PRDM8: variants seen among roughly 807,000 people sequenced by gnomAD.
PRDM8 encodes PR/SET domain 8.
In PRDM8, 13 loss-of-function variants were observed where a neutral mutation model predicts 46.5. The ratio of observed to expected loss-of-function variants is 0.28; its 90% CI spans 0.18 to 0.44. The LOEUF is 0.44. PRDM8 is among the 20% of genes least tolerant of loss of function. The pLI is 1.00. For synonymous variants in PRDM8, 473 were observed against 438.4 expected, an observed-to-expected ratio of 1.08 and a Z score of -0.98; for missense variants, 998 against 955.0, an observed-to-expected ratio of 1.04 and a Z score of -0.59.
chr4:80,199,181 G>T (rs1738234172), intron 1 of PRDM8, among the ~76,000 whole-genome samples: 1 of 151,742 alleles, frequency 6.6e-6, no homozygotes, highest in South Asian at 2.1e-4. Flanking sequence ...GCCCAAAAAG[G>T]GTCATATGGG....
Position 80,203,719 on chromosome 4 carries a change from A to C in PRDM8, c.*187A>C. 1.2e-6 allele frequency: 1 copy of C among 839,042 alleles called. No individual in the cohort carries two copies. The highest frequency in any genetic ancestry group is 1.7e-6 in the Non-Finnish European group (1 of 591,314). 52.0% of individuals were successfully genotyped at this position (839,042 alleles called of 1,614,324 possible). A position where few individuals can be genotyped will look rare whatever the true frequency, so the allele number is the denominator to read the frequency against. On this transcript the variant is annotated 3_prime_UTR_variant, in exon 4 of 4. Coordinates refer to ENST00000415738, the MANE Select transcript of PRDM8 (RefSeq NM_001099403.2). ...CTCTCCTCCCAGGAACCTCATTCAAATATTTACCCGGGACACACACCCCCC... is the reference window on the plus strand; with the variant it reads ...CTCTCCTCCCAGGAACCTCATTCAACTATTTACCCGGGACACACACCCCCC...
Position 80,197,574 on chromosome 4 carries a change from C to G in PRDM8, c.-192C>G, listed in dbSNP as rs1481074105. ...CTCTCTCCCTCCCTCCCTCCCTCCA[C>G]CCCCCCAATCTTTTTCTCCCCATCT... On this transcript the variant is annotated 5_prime_UTR_variant, in exon 1 of 4. Coordinates refer to ENST00000415738, the MANE Select transcript of PRDM8 (RefSeq NM_001099403.2). 16 of 964,762 alleles carry G rather than the reference C, an allele frequency of 1.7e-5. No individual in the cohort carries two copies. In the South Asian group the frequency reaches 5.8e-4, roughly 35 times the overall value. 59.8% of individuals were successfully genotyped at this position (964,762 alleles called of 1,614,324 possible). A position where few individuals can be genotyped will look rare whatever the true frequency, so the allele number is the denominator to read the frequency against.
chr4:80,190,359 G>A (rs1186616633), intron 1 of PRDM8, among the ~76,000 whole-genome samples: 1 of 152,226 alleles, frequency 6.6e-6, no homozygotes, highest in Non-Finnish European at 1.5e-5. Context: ...GCTTCGCCCA[G>A]GGCTCATTTG....
At chr4:80,192,952 A>T (rs1445698586), upstream of PRDM8, among the ~76,000 whole-genome samples, 1 of 152,236 alleles carries the variant, frequency 6.6e-6, no homozygotes, top group East Asian at 1.9e-4. Context: ...TCCCATTCTC[A>T]GCTGAACTCC....
exon 2 of PRDM8, chr4:80,191,472 A>G (rs1309407857): frequency 7.5e-6 from 1 of 132,918 alleles, no homozygotes; most frequent in African/African-American, 3.1e-5. Flanking sequence ...TATATTACAG[A>G]TACTATCAAA....
chr4:80,196,346 C>T, upstream of PRDM8: 1 of 985,416 alleles, frequency 1.0e-6, no homozygotes, highest in Non-Finnish European at 1.2e-6. Flanking sequence ...GCCTTTCTTC[C>T]TTTAGGAGTA....
upstream of PRDM8, chr4:80,196,004 T>C (rs1737931681): frequency 1.1e-6 from 1 of 952,280 alleles, no homozygotes; most frequent in Admixed American, 6.2e-5. Flanking sequence ...TGCACTTGTT[T>C]CTCCTCAGCA....
chr4:80,203,652 C>A lies in PRDM8; in HGVS notation c.*120C>A. On this transcript the variant is annotated 3_prime_UTR_variant, in exon 4 of 4. Coordinates refer to ENST00000415738, the MANE Select transcript of PRDM8 (RefSeq NM_001099403.2). ...CCGAAACCCTGCACAAAGACACATA[C>A]ATTCACCGCCCCCCCGCCCCCCCAA... 7.0e-7 allele frequency: 1 copy of A among 1,434,874 alleles called. No homozygotes were observed. The highest frequency in any genetic ancestry group is 9.1e-7 in the Non-Finnish European group (1 of 1,097,032). 88.9% of individuals were successfully genotyped at this position (1,434,874 alleles called of 1,614,324 possible).
At position 80,203,358 on chromosome 4, in the gene PRDM8, C is replaced by A. The variant is rs751100403; in HGVS notation, c.1896C>A (p.Ala632=). Residue 632 remains alanine (A), a synonymous_variant, in exon 4 of 4, where the codon GCC becomes GCA. Transcript: ENST00000415738. ...AGAACTGGTGCGCCAAGTGCAATGC[C>A]TCCTTCCGCATGACCTCCGACCTGG... ...PAQNWCAKCN[A]SFRMTSDLVY... 6.2e-7 allele frequency: 1 copy of A among 1,614,098 alleles called. No homozygotes were observed. The highest frequency in any genetic ancestry group is 8.5e-7 in the Non-Finnish European group (1 of 1,180,002).
chr4:80,191,488 C>T (rs1737540851), exon 2 of PRDM8: 1 of 151,988 alleles, frequency 6.6e-6, no homozygotes, highest in African/African-American at 2.4e-5. Flanking sequence ...TCAAATCAGC[C>T]TGGGAAGCAT....
chr4:80,193,525 A>T (rs1283069042), upstream of PRDM8, among the ~76,000 whole-genome samples: 1 of 152,246 alleles, frequency 6.6e-6, no homozygotes, highest in Non-Finnish European at 1.5e-5. Flanking sequence ...TTTTTGGCAC[A>T]GGCCTGGTGT....
upstream of PRDM8, among the ~76,000 whole-genome samples, chr4:80,194,956 GA>G (rs1224238337): frequency 6.6e-6 from 1 of 152,114 alleles, no homozygotes; most frequent in Non-Finnish European, 1.5e-5. Context: ...TACCTCAAAA[GA>G]AATATAGTTT....
intron 1 of PRDM8, among the ~76,000 whole-genome samples, chr4:80,189,156 C>T (rs1370870889): frequency 6.6e-6 from 1 of 152,204 alleles, no homozygotes; most frequent in Non-Finnish European, 1.5e-5. Flanking sequence ...GTTTCTCTGC[C>T]CACCCCCAGA....
At chr4:80,197,818 A>G in intron 1 of PRDM8, 55 bp downstream of exon 1, 1 of 972,710 alleles carries the variant, frequency 1.0e-6, no homozygotes, top group African/African-American at 1.8e-5. Context: ...AGTTTGGTGG[A>G]AAGAGTAGAA....
Position 80,203,379 on chromosome 4 carries a change from C to A in PRDM8, c.1917C>A (p.Asp639Glu). 2 of 1,614,090 alleles carry A rather than the reference C, an allele frequency of 1.2e-6. No homozygotes were observed. Among genetic ancestry groups the A allele is most frequent in the Non-Finnish European group, 1.7e-6 (2 of 1,179,998 alleles). Residue 639 changes from aspartate (D) to glutamate (E), a missense_variant, in exon 4 of 4, where the codon GAC (aspartate) becomes GAA (glutamate). Asp to Glu is a conservative substitution (Grantham distance 45). Coordinates refer to ENST00000415738, the MANE Select transcript of PRDM8 (RefSeq NM_001099403.2). ...ATGCCTCCTTCCGCATGACCTCCGACCTGGTGTACCATATGAGGTCGCACC... is the reference window on the plus strand; with the variant it reads ...ATGCCTCCTTCCGCATGACCTCCGAACTGGTGTACCATATGAGGTCGCACC... The part of the protein sequence containing the change: ...KCNASFRMTS[D>E]LVYHMRSHHK...
upstream of PRDM8, among the ~76,000 whole-genome samples, chr4:80,193,735 G>A (rs1011098517): frequency 2.0e-5 from 3 of 152,120 alleles, no homozygotes; most frequent in African/African-American, 7.2e-5. Context: ...ATAAGCTTAG[G>A]AAGGAGCTGC....
In PRDM8 at chr4:80,203,152, A is replaced by AGCGGCG. The variant is rs756781919; in HGVS notation, c.1699_1704dup (p.Gly567_Gly568dup). ...GAACGGAGGTTGCGGGTCCCTGCCG[A>AGCGGCG]GCGGCGGCGGCGGCCTGCCTAAGCA... On this transcript the variant is annotated inframe_insertion, in exon 4 of 4. Transcript: ENST00000415738. The AGCGGCG allele has an allele frequency of 3.2e-6, 5 of 1,543,608 alleles. No homozygotes were observed. Among genetic ancestry groups the AGCGGCG allele is most frequent in the Non-Finnish European group, 4.3e-6 (5 of 1,152,792 alleles).
At position 80,199,705 on chromosome 4, in the gene PRDM8, A is replaced by ATGTGTGTG. The variant is rs1321510964; in HGVS notation, c.-2-373_-2-372insGTGTGTGT. Among the ~76,000 whole-genome samples the ATGTGTGTG allele has an allele frequency of 5.4e-4, 38 of 70,040 alleles. No homozygotes were observed. The South Asian group carries it at 0.017, about 31-fold the overall frequency. 45.9% of individuals were successfully genotyped at this position (70,040 alleles called of 152,430 possible). On this transcript the variant is annotated intron_variant, in intron 1 of 3. Coordinates refer to ENST00000415738, the MANE Select transcript of PRDM8 (RefSeq NM_001099403.2). ...AAAAATTATATATATGTATATATAT[A>ATGTGTGTG]TATATGTGTGTGTGTGTGTGTGTGT...
intron 2 of PRDM8, 38 bp from the exon 3 acceptor site, chr4:80,201,251 CT>C: frequency 1.9e-6 from 3 of 1,575,432 alleles, no homozygotes; most frequent in South Asian, 1.1e-5. Flanking sequence ...CCCTCTCCCC[CT>C]CTCCTTCTTG....
Sources: gnomAD v4.1 joint callset for allele counts (sites outside exome capture counted in the v4.1 genomes callset) on GRCh38, gnomAD v4.1.1 for gene constraint, MANE v1.5 for transcripts, NCBI Gene and HGNC (gene_info 2026-07-23, HGNC 2026-07-21) for gene names.